The following WWOX variants were observed in gnomAD, a reference collection of about 807,000 sequenced individuals.
WWOX encodes the protein WW domain-containing oxidoreductase.
A neutral mutation model predicts 46.2 loss-of-function variants in WWOX; 69 were observed. That is an observed-to-expected ratio of 1.49 (90% CI 1.23 to 1.82). The LOEUF is 1.82. WWOX is among the 40% of genes most tolerant of loss of function. The pLI, the probability that WWOX is intolerant of heterozygous loss-of-function variation, is 0.00. For missense variants in WWOX, 919 were observed against 542.6 expected, an observed-to-expected ratio of 1.69 and a Z score of -6.89; for synonymous variants, 359 against 202.6, an observed-to-expected ratio of 1.77 and a Z score of -6.56.
At chr16:78,929,828 G>A (rs1271819080) in intron 8 of WWOX, among the ~76,000 whole-genome samples, 1 of 152,198 alleles carries the variant, frequency 6.6e-6, no homozygotes, top group Non-Finnish European at 1.5e-5. Flanking sequence ...CTGGGTTTCA[G>A]GTGCAGGAAA....
At chr16:78,462,830 C>G (rs150653133) in intron 8 of WWOX, among the ~76,000 whole-genome samples, 1 of 152,224 alleles carries the variant, frequency 6.6e-6, no homozygotes, top group African/African-American at 2.4e-5. Context: ...GGCACTGGGG[C>G]AGCCACATAG....
intron 8 of WWOX, among the ~76,000 whole-genome samples, chr16:78,752,873 A>C (rs950340244): frequency 5.3e-5 from 8 of 152,196 alleles, no homozygotes; most frequent in Non-Finnish European, 1.0e-4. Context: ...TCCTGATCTA[A>C]ATCTGTCCTG....
intron 8 of WWOX, among the ~76,000 whole-genome samples, chr16:78,566,325 A>G (rs566049499): frequency 4.6e-5 from 7 of 152,322 alleles, no homozygotes; most frequent in Admixed American, 1.3e-4. Flanking sequence ...AGTCCATAAC[A>G]ACTATCTCAC....
At chr16:78,261,945 C>T (rs139309994) in intron 5 of WWOX, among the ~76,000 whole-genome samples, 1 of 150,416 alleles carries the variant, frequency 6.6e-6, no homozygotes, top group East Asian at 1.9e-4. Context: ...ATTGCAAGAC[C>T]TAGTACAGGC....
intron 8 of WWOX, among the ~76,000 whole-genome samples, chr16:78,751,719 T>C (rs1169462493): frequency 6.8e-6 from 1 of 148,052 alleles, no homozygotes; most frequent in East Asian, 2.0e-4. Flanking sequence ...TACCAACACG[T>C]AGACATGTTG....
In WWOX at chr16:78,907,885, A is replaced by C. The variant is rs142096210; in HGVS notation, c.1057-303723A>C. 4.9e-3 allele frequency among the ~76,000 whole-genome samples: 747 copies of C among 152,280 alleles called. 2 individuals carry two copies. The highest frequency in any genetic ancestry group is 8.4e-3 in the Non-Finnish European group (572 of 68,012). ...AAGTTCCAAAGCCCGTGGCATGTCA[A>C]GGGTCGATGAATTCACCAACTGCAA... On this transcript the variant is annotated intron_variant, in intron 8 of 8. Transcript: ENST00000566780.
intron 8 of WWOX, among the ~76,000 whole-genome samples, chr16:78,813,708 C>G (rs777156617): frequency 1.3e-5 from 2 of 152,148 alleles, no homozygotes; most frequent in Non-Finnish European, 2.9e-5. Flanking sequence ...TTGTTTTCTA[C>G]TACCTGATAC....
chr16:78,979,760 G>A (rs918013103), intron 8 of WWOX, among the ~76,000 whole-genome samples: 2 of 152,168 alleles, frequency 1.3e-5, no homozygotes, highest in African/African-American at 4.8e-5. Flanking sequence ...TTCCTTCTCA[G>A]CTTGGAAAGC....
intron 8 of WWOX, among the ~76,000 whole-genome samples, chr16:78,709,728 G>C (rs1029560693): frequency 7.6e-6 from 1 of 132,150 alleles, no homozygotes; most frequent in Non-Finnish European, 1.6e-5. Flanking sequence ...CAAAGCAACA[G>C]TAAGCATTTT....
At chr16:78,139,752 G>A (rs2033921281) in intron 4 of WWOX, among the ~76,000 whole-genome samples, 3 of 152,148 alleles carry the variant, frequency 2.0e-5, no homozygotes, top group Non-Finnish European at 2.9e-5. Flanking sequence ...CAGAGAAAAA[G>A]ACATATTTAT....
At chr16:78,567,187 A>T (rs1395393733) in intron 8 of WWOX, among the ~76,000 whole-genome samples, 1 of 152,164 alleles carries the variant, frequency 6.6e-6, no homozygotes, top group Non-Finnish European at 1.5e-5. Context: ...TTAAGCCCCC[A>T]TCATGTCCTG....
At chr16:78,591,948 A>G (rs537135034) in intron 8 of WWOX, among the ~76,000 whole-genome samples, 12 of 152,286 alleles carry the variant, frequency 7.9e-5, no homozygotes, top group African/African-American at 2.9e-4. Flanking sequence ...GACCATAACC[A>G]CCAGTGTTCC....
intron 8 of WWOX, among the ~76,000 whole-genome samples, chr16:78,790,261 A>C (rs2050560507): frequency 6.6e-6 from 1 of 151,994 alleles, no homozygotes; most frequent in Non-Finnish European, 1.5e-5. Context: ...CAGCCTCCCT[A>C]GTAGCTGGGA....
chr16:78,371,125 G>A (rs554954353), intron 5 of WWOX, among the ~76,000 whole-genome samples: 8 of 151,810 alleles, frequency 5.3e-5, no homozygotes, highest in African/African-American at 1.9e-4. Context: ...GACATACCTA[G>A]GTAATTTTAC....
At chr16:78,214,288 A>G (rs1273449864) in intron 5 of WWOX, among the ~76,000 whole-genome samples, 2 of 152,192 alleles carry the variant, frequency 1.3e-5, no homozygotes, top group Non-Finnish European at 2.9e-5. Context: ...CTGTGCGATC[A>G]CTAGCCAAGT....
chr16:78,145,132 C>T (rs2034154726), intron 4 of WWOX, among the ~76,000 whole-genome samples: 1 of 152,090 alleles, frequency 6.6e-6, no homozygotes, highest in Non-Finnish European at 1.5e-5. Context: ...AGGGTTGGTT[C>T]CTTCTGAGGA....
intron 8 of WWOX, among the ~76,000 whole-genome samples, chr16:78,881,301 G>C (rs1338178745): frequency 1.3e-5 from 2 of 152,104 alleles, no homozygotes; most frequent in Non-Finnish European, 2.9e-5. Context: ...ACTGTGCCTG[G>C]CCCTGGTAAA....
chr16:78,319,794 C>G lies in WWOX; in HGVS notation c.517-67066C>G, dbSNP rs369591447. On this transcript the variant is annotated intron_variant, in intron 5 of 8. Coordinates refer to ENST00000566780, the MANE Select transcript of WWOX (RefSeq NM_016373.4). ...GTGCTACCCCTTGAAGTCACACTTG[C>G]CACCCTCCGCCCTTAGCCTTTCTTT... Among the ~76,000 whole-genome samples, 52 of 152,280 alleles carry G rather than the reference C, an allele frequency of 3.4e-4. No homozygotes were observed. In the South Asian group the frequency reaches 5.2e-3, roughly 15 times the overall value.
chr16:78,345,244 C>G lies in WWOX; in HGVS notation c.517-41616C>G, dbSNP rs938587330. On this transcript the variant is annotated intron_variant, in intron 5 of 8. Coordinates refer to ENST00000566780, the MANE Select transcript of WWOX (RefSeq NM_016373.4). ...CCAGCAAGCTAACCTCTCTGGACAT[C>G]GTATTCCTCATCTATAAAAGGGAGA... Among the ~76,000 whole-genome samples the G allele has an allele frequency of 2.6e-5, 3 of 114,904 alleles. 1 individual carries two copies. Among genetic ancestry groups the G allele is most frequent in the African/African-American group, 5.9e-5 (2 of 34,038 alleles). The allele number at this position is 114,904 out of a possible 152,430, so 75.4% of individuals were successfully genotyped here. A position where few individuals can be genotyped will look rare whatever the true frequency, so the allele number is the denominator to read the frequency against.
Sources: allele counts gnomAD v4.1 joint callset (sites outside exome capture counted in the v4.1 genomes callset), GRCh38; gene constraint gnomAD v4.1.1; transcripts MANE v1.5; gene names NCBI Gene and HGNC (gene_info 2026-07-23, HGNC 2026-07-21).